PPP1R12B: variants seen among roughly 807,000 people sequenced by gnomAD.
The protein encoded by PPP1R12B is myosin phosphatase target subunit 2.
In PPP1R12B, 76 loss-of-function variants were observed where a neutral mutation model predicts 126.1. The observed-to-expected ratio is 0.60, with a 90% CI of 0.50 to 0.73. PPP1R12B has a LOEUF of 0.73. PPP1R12B is among the 30% of genes least tolerant of loss of function. PPP1R12B has a pLI of 0.00. For synonymous variants in PPP1R12B, 356 were observed against 434.7 expected (o/e 0.82, Z 2.25); for missense variants, 1,052 against 1,205.1 (o/e 0.87, Z 1.88).
chr1:202,495,707 G>A (rs779802468), intron 17 of PPP1R12B, 25 bp downstream of exon 17: 5 of 1,584,402 alleles, frequency 3.2e-6, no homozygotes, highest in Admixed American at 1.7e-5. Flanking sequence ...CTGTGCTGAG[G>A]CATATCATAT....
At position 202,588,443 on chromosome 1, in the gene PPP1R12B, G is replaced by A. The variant is rs1689953201; in HGVS notation, c.*7883G>A. The A allele has an allele frequency of 6.6e-6, 1 of 152,562 alleles. No homozygotes were observed. Among genetic ancestry groups the A allele is most frequent in the African/African-American group, 2.4e-5 (1 of 41,416 alleles). The allele number at this position is 152,562 out of a possible 1,614,324, so 9.5% of individuals were successfully genotyped here. On this transcript the variant is annotated 3_prime_UTR_variant, in exon 24 of 24. Coordinates refer to ENST00000608999, the MANE Select transcript of PPP1R12B (RefSeq NM_002481.4). ...TAAGATGAATGGTTTTGTTTTACTG[G>A]TTGTTGTTATATAGTTTTGAGTATT...
Position 202,439,149 on chromosome 1 carries a change from A to G in PPP1R12B, c.1458+1125A>G, listed in dbSNP as rs1205791065. The G allele has an allele frequency of 1.9e-6, 3 of 1,581,066 alleles. No individual in the cohort carries two copies. The African/African-American group carries it at 4.0e-5, about 21-fold the overall frequency. On this transcript the variant is annotated intron_variant, in intron 10 of 23. Transcript: ENST00000608999. ...GAGCAGCTCCTGTAGTTGAAGGTGA[A>G]GTGTCTGAACAACCTGGCGGCCTCG...
intron 18 of PPP1R12B, among the ~76,000 whole-genome samples, chr1:202,534,508 T>G (rs1036330389): frequency 1.3e-5 from 2 of 151,996 alleles, no homozygotes; most frequent in Non-Finnish European, 2.9e-5. Context: ...TTTCTTTATC[T>G]ATCTATATTG....
chr1:202,582,151 G>C lies in PPP1R12B; in HGVS notation c.*1591G>C, dbSNP rs1056265416. The C allele has an allele frequency of 3.3e-5, 5 of 152,206 alleles. No individual in the cohort carries two copies. Among genetic ancestry groups the C allele is most frequent in the African/African-American group, 7.2e-5 (3 of 41,446 alleles). The allele number at this position is 152,206 out of a possible 1,614,324, so 9.4% of individuals were successfully genotyped here. A position where few individuals can be genotyped will look rare whatever the true frequency, so the allele number is the denominator to read the frequency against. Reference sequence around the variant, plus strand: ...TTTAACGGCACTTGAGATATGTGCAGTGGGTGGTCTCCCCCTCAGTCTTAC... The same window carrying C: ...TTTAACGGCACTTGAGATATGTGCACTGGGTGGTCTCCCCCTCAGTCTTAC... On this transcript the variant is annotated 3_prime_UTR_variant, in exon 24 of 24. Coordinates refer to ENST00000608999, the MANE Select transcript of PPP1R12B (RefSeq NM_002481.4).
chr1:202,482,659 A>T (rs1424108437), intron 13 of PPP1R12B, among the ~76,000 whole-genome samples: 1 of 152,176 alleles, frequency 6.6e-6, no homozygotes, highest in Non-Finnish European at 1.5e-5. Context: ...TCAGATGTAT[A>T]GTTTGCAAAT....
At chr1:202,494,136 G>A (rs1005498243) in intron 15 of PPP1R12B, among the ~76,000 whole-genome samples, 4 of 152,190 alleles carry the variant, frequency 2.6e-5, no homozygotes. Flanking sequence ...TAGAAGAAAG[G>A]TATCTCCTTC....
chr1:202,372,096 C>G (rs1355452571), intron 1 of PPP1R12B, among the ~76,000 whole-genome samples: 1 of 152,018 alleles, frequency 6.6e-6, no homozygotes, highest in East Asian at 1.9e-4. Context: ...GTCTTGAACT[C>G]CTGACCTCAG....
rs751659528 is a variant in PPP1R12B, at chr1:202,562,811, T to G, written c.2541T>G (p.Ser847Arg). Residue 847 changes from serine to arginine, a missense_variant, in exon 20 of 24, where the codon AGT (serine) becomes AGG (arginine). Ser to Arg is a moderately radical substitution (Grantham distance 110). Transcript: ENST00000608999. ...LESGGSNPTT[S>R]DSYGDRASAR... ...CGGGAGGTAGTAATCCTACAACCAG[T>G]GATTCTTACGGTGACCGGGCTTCAG... 1.9e-6 allele frequency: 3 copies of G among 1,613,012 alleles called. No homozygotes were observed. The highest frequency in any genetic ancestry group is 2.5e-6 in the Non-Finnish European group (3 of 1,179,470).
intron 1 of PPP1R12B, among the ~76,000 whole-genome samples, chr1:202,395,222 G>A (rs576732317): frequency 6.6e-6 from 1 of 151,938 alleles, no homozygotes; most frequent in East Asian, 1.9e-4. Flanking sequence ...CACAGCATTA[G>A]TTCTGCTATT....
rs549400008 is a variant in PPP1R12B at position 202,586,553 on chromosome 1, CT to C, written c.*5994del. Reference sequence around the variant, plus strand: ...GGGACAGCTATTGATCTTTTGTGTTCTGATTAGATTGGAAAATAGATCAACT... The same window carrying C: ...GGGACAGCTATTGATCTTTTGTGTTCGATTAGATTGGAAAATAGATCAACT... On this transcript the variant is annotated 3_prime_UTR_variant, in exon 24 of 24. Transcript: ENST00000608999. 2.0e-5 allele frequency: 3 copies of C among 152,278 alleles called. No homozygotes were observed. The East Asian group carries it at 5.8e-4, about 29-fold the overall frequency. The allele number at this position is 152,278 out of a possible 1,614,324, so 9.4% of individuals were successfully genotyped here.
intron 13 of PPP1R12B, among the ~76,000 whole-genome samples, chr1:202,486,493 A>G (rs1385141421): frequency 4.6e-5 from 7 of 152,248 alleles, no homozygotes; most frequent in Admixed American, 3.3e-4. Flanking sequence ...TATTAAAGAA[A>G]TGAACCCTTT....
chr1:202,431,744 T>C, intron 8 of PPP1R12B, 125 bp downstream of exon 8: 1 of 926,186 alleles, frequency 1.1e-6, no homozygotes, highest in Non-Finnish European at 1.6e-6. Flanking sequence ...TTTTCAAGGA[T>C]AAGATATCAA....
At chr1:202,525,396 T>C (rs1430801626) in intron 18 of PPP1R12B, among the ~76,000 whole-genome samples, 1 of 150,656 alleles carries the variant, frequency 6.6e-6, no homozygotes, top group Non-Finnish European at 1.5e-5. Flanking sequence ...AAAAAAAAAA[T>C]GTATCATGAA....
chr1:202,555,990 C>G (rs944803470), intron 18 of PPP1R12B, among the ~76,000 whole-genome samples: 1 of 151,964 alleles, frequency 6.6e-6, no homozygotes, highest in African/African-American at 2.4e-5. Flanking sequence ...ATTCTCCTGC[C>G]TAAGCTTCCC....
chr1:202,510,588 C>T (rs1353488212), intron 18 of PPP1R12B, among the ~76,000 whole-genome samples: 1 of 152,084 alleles, frequency 6.6e-6, no homozygotes, highest in African/African-American at 2.4e-5. Flanking sequence ...TCTGTCCTCC[C>T]GAAATACACA....
In PPP1R12B at chr1:202,438,681, C is replaced by T. The variant is rs755839883; in HGVS notation, c.1458+657C>T. 23 of 595,036 alleles carry T rather than the reference C, an allele frequency of 3.9e-5. 2 individuals are homozygous for T. The highest frequency in any genetic ancestry group is 3.4e-4 in the Middle Eastern group (1 of 2,904). 36.9% of individuals were successfully genotyped at this position (595,036 alleles called of 1,614,324 possible). On this transcript the variant is annotated intron_variant, in intron 10 of 23. Transcript: ENST00000608999. ...AAGAAGACGCTTGTCCCAGGGCCGCCGGGTTCAAGCCGCCCAGTCAAGGGC... is the reference window on the plus strand; with the variant it reads ...AAGAAGACGCTTGTCCCAGGGCCGCTGGGTTCAAGCCGCCCAGTCAAGGGC...
At chr1:202,523,561 A>T (rs1440202151) in intron 18 of PPP1R12B, among the ~76,000 whole-genome samples, 3 of 152,216 alleles carry the variant, frequency 2.0e-5, no homozygotes, top group Non-Finnish European at 4.4e-5. Flanking sequence ...GAAATAAATG[A>T]CAGGTGAGAG....
chr1:202,386,926 A>G (rs964574589), intron 1 of PPP1R12B, among the ~76,000 whole-genome samples: 2 of 152,214 alleles, frequency 1.3e-5, no homozygotes, highest in Non-Finnish European at 2.9e-5. Context: ...ATTCTTTTAC[A>G]GAGAGGAATG....
chr1:202,547,025 G>T (rs953285201), intron 18 of PPP1R12B, among the ~76,000 whole-genome samples: 3 of 124,436 alleles, frequency 2.4e-5, no homozygotes, highest in African/African-American at 7.5e-5. Flanking sequence ...TTACGGTGAT[G>T]AGTTTCAGTT....
Sources: gnomAD v4.1 joint callset for allele counts (sites outside exome capture counted in the v4.1 genomes callset) on GRCh38, gnomAD v4.1.1 for gene constraint, MANE v1.5 for transcripts, NCBI Gene and HGNC (gene_info 2026-07-23, HGNC 2026-07-21) for gene names.